OVOL2: variants seen among roughly 807,000 people sequenced by gnomAD.
The protein encoded by OVOL2 is ovo like zinc finger 2.
OVOL2 carries 13 observed loss-of-function variants against 18.1 expected under a neutral mutation model. The ratio of observed to expected loss-of-function variants is 0.72; its 90% CI spans 0.47 to 1.14. The LOEUF (loss-of-function observed/expected upper bound fraction) is 1.14, where lower values mean the gene tolerates loss of function less well. Among genes scored for constraint, OVOL2 ranks in the 50% most tolerant of loss-of-function variants. OVOL2 has a pLI of 0.00. For synonymous variants in OVOL2, 166 were observed against 162.7 expected, an observed-to-expected ratio of 1.02 and a Z score of -0.16; for missense variants, 335 against 383.0, an observed-to-expected ratio of 0.87 and a Z score of 1.05.
chr20:18,046,262 G>A (rs1296790666), intron 2 of OVOL2, among the ~76,000 whole-genome samples: 1 of 152,138 alleles, frequency 6.6e-6, no homozygotes, highest in Non-Finnish European at 1.5e-5. Context: ...CTTGAAATTT[G>A]GTTTGTAATA....
rs2036839916 is a variant in OVOL2, at chr20:18,057,411, C to T, written c.100+124G>A. On this transcript the variant is annotated intron_variant, in intron 1 of 3. Transcript: ENST00000278780. The surrounding 1 kb of genome is among the most constrained non-coding windows in gnomAD (Gnocchi z 6.3). ...CCCTAACCCGCCTAGAAGACCCCCGCGTGCCCCCCGGAAGAGGGGGATGAG... is the reference window on the plus strand; with the variant it reads ...CCCTAACCCGCCTAGAAGACCCCCGTGTGCCCCCCGGAAGAGGGGGATGAG... 3 of 1,137,506 alleles carry T rather than the reference C, an allele frequency of 2.6e-6. No homozygotes were observed. The highest frequency in any genetic ancestry group is 1.5e-5 in the South Asian group (1 of 67,674). 70.5% of individuals were successfully genotyped at this position (1,137,506 alleles called of 1,614,324 possible).
chr20:18,057,825 C>G lies in OVOL2; in HGVS notation c.-191G>C, dbSNP rs1427699553. 5 of 1,364,598 alleles carry G rather than the reference C, an allele frequency of 3.7e-6. No individual in the cohort carries two copies. Among genetic ancestry groups the G allele is most frequent in the South Asian group, 3.5e-5 (2 of 57,070 alleles). 84.5% of individuals were successfully genotyped at this position (1,364,598 alleles called of 1,614,324 possible). ...GCACGCCTGGCGACTCCCAGCCTCC[C>G]GGCTCGGCGACACCTATGCCTTAAA... is the stretch of plus-strand genomic sequence containing the variant. On this transcript the variant is annotated 5_prime_UTR_variant, in exon 1 of 4. Transcript: ENST00000278780. This position sits in a 1 kb window ranked among gnomAD's most constrained non-coding sequence, Gnocchi z 6.3.
rs867511854 is a variant in OVOL2 at position 18,041,423 on chromosome 20, T to C, written c.511+111A>G. ...CGTGATCCGCATCTTGTGATCTTTC[T>C]AGAAACACAACATTGTTCCACGGTC... On this transcript the variant is annotated intron_variant, in intron 3 of 3. Coordinates refer to ENST00000278780, the MANE Select transcript of OVOL2 (RefSeq NM_021220.4). 8.4e-6 allele frequency: 11 copies of C among 1,312,288 alleles called. No individual in the cohort carries two copies. The Admixed American group carries it at 2.2e-4, about 26-fold the overall frequency. The allele number at this position is 1,312,288 out of a possible 1,614,324, so 81.3% of individuals were successfully genotyped here.
intron 2 of OVOL2, 94 bp from the exon 3 acceptor site, chr20:18,041,817 C>A (rs1040466138): frequency 1.3e-5 from 16 of 1,206,108 alleles, no homozygotes; most frequent in Non-Finnish European, 1.7e-5. Context: ...CTTGAGGCTG[C>A]CCTGTCTGCG....
At chr20:18,039,624 A>AAAAAAAAAC (rs1403124179) in intron 3 of OVOL2, among the ~76,000 whole-genome samples, 3 of 106,358 alleles carry the variant, frequency 2.8e-5, no homozygotes, top group African/African-American at 1.2e-4. Flanking sequence ...AAAAAAAAAG[A>AAAAAAAAAC]AAGAAAGAAA....
At chr20:18,044,941 C>A (rs553746595) in intron 2 of OVOL2, among the ~76,000 whole-genome samples, 18 of 152,248 alleles carry the variant, frequency 1.2e-4, no homozygotes, top group African/African-American at 3.9e-4. Context: ...AGAACAAGAT[C>A]CCCTTAGGAG....
chr20:18,036,346 T>A (rs1245025964), intron 3 of OVOL2, among the ~76,000 whole-genome samples: 1 of 152,098 alleles, frequency 6.6e-6, no homozygotes, highest in Non-Finnish European at 1.5e-5. Context: ...TTTTTTGCAT[T>A]ACAACTTGAA....
intron 2 of OVOL2, among the ~76,000 whole-genome samples, chr20:18,052,213 C>A (rs2122724634): frequency 6.6e-6 from 1 of 152,218 alleles, no homozygotes; most frequent in East Asian, 1.9e-4. Context: ...AACAAATCAC[C>A]CATTTCTTCA....
chr20:18,050,968 C>CA (rs2036766670), intron 2 of OVOL2, among the ~76,000 whole-genome samples: 1 of 151,832 alleles, frequency 6.6e-6, no homozygotes, highest in South Asian at 2.1e-4. Context: ...TCTTGGGAGA[C>CA]AAAAAAACAA....
At position 18,056,326 on chromosome 20, in the gene OVOL2, C is replaced by A. The variant is rs959722939; in HGVS notation, c.321+331G>T. On this transcript the variant is annotated intron_variant, in intron 2 of 3. Coordinates refer to ENST00000278780, the MANE Select transcript of OVOL2 (RefSeq NM_021220.4). The surrounding 1 kb of genome is among the most constrained non-coding windows in gnomAD (Gnocchi z 4.2). ...GGCCTTGGTTATTCTACAGGCCTAG[C>A]GCACAGAACGGGCTGCTGGCGGAAG... Among the ~76,000 whole-genome samples, 2 of 152,256 alleles carry A rather than the reference C, an allele frequency of 1.3e-5. No individual in the cohort carries two copies. Among genetic ancestry groups the A allele is most frequent in the South Asian group, 2.1e-4 (1 of 4,832 alleles).
At chr20:18,054,776 AAAAAAAGAAAGAAAAG>A (rs1412613558) in intron 2 of OVOL2, among the ~76,000 whole-genome samples, 1 of 142,700 alleles carries the variant, frequency 7.0e-6, no homozygotes, top group African/African-American at 2.8e-5. Flanking sequence ...CAAAAAAAAA[AAAAAAAGAAAGAAAAG>A]AAAAGAAAAG....
chr20:18,025,054 G>T, intron 3 of OVOL2, 102 bp from the exon 4 acceptor site: 1 of 1,337,112 alleles, frequency 7.5e-7, no homozygotes, highest in Non-Finnish European at 1.0e-6. Flanking sequence ...AAGGATTCAT[G>T]GCAGCATGAG....
chr20:18,027,207 T>G (rs2036527802), intron 3 of OVOL2, among the ~76,000 whole-genome samples: 1 of 152,018 alleles, frequency 6.6e-6, no homozygotes, highest in Admixed American at 6.6e-5. Flanking sequence ...GTAGGCCATA[T>G]CAGCAAGTTT....
rs938283966 is a variant in OVOL2, at chr20:18,029,959, G to A, written c.512-5007C>T. ...CGCACCACTGCACTCCAGCCTGGGC[G>A]AGAGTGAGACCCTGTCTCAGAAAAA... On this transcript the variant is annotated intron_variant, in intron 3 of 3. Coordinates refer to ENST00000278780, the MANE Select transcript of OVOL2 (RefSeq NM_021220.4). Among the ~76,000 whole-genome samples the A allele has an allele frequency of 2.6e-5, 4 of 152,164 alleles. No homozygotes were observed. In the South Asian group the frequency reaches 6.2e-4, roughly 24 times the overall value.
chr20:18,057,670 C>T lies in OVOL2; in HGVS notation c.-36G>A, dbSNP rs747080805. The T allele has an allele frequency of 3.1e-5, 48 of 1,535,738 alleles. No individual in the cohort carries two copies. Among genetic ancestry groups the T allele is most frequent in the Admixed American group, 4.1e-5 (2 of 48,872 alleles). On this transcript the variant is annotated 5_prime_UTR_variant, in exon 1 of 4. Coordinates refer to ENST00000278780, the MANE Select transcript of OVOL2 (RefSeq NM_021220.4). The surrounding 1 kb of genome is among the most constrained non-coding windows in gnomAD (Gnocchi z 6.3). ...CCTCTCCCGACTGCGGCCCCCTCCT[C>T]CCGGCTGCTCCCCGCTAGGGGCAAC... is the stretch of plus-strand genomic sequence containing the variant.
rs562088836 is a variant in OVOL2, at chr20:18,026,576, T to C, written c.512-1624A>G. Among the ~76,000 whole-genome samples the C allele has an allele frequency of 7.2e-5, 11 of 152,212 alleles. No homozygotes were observed. The East Asian group carries it at 1.2e-3, about 16-fold the overall frequency. ...TTTTGTATCTTTAGTAGAGACGGGG[T>C]TTCACCATGTTAGCCAGAATGGTCT... On this transcript the variant is annotated intron_variant, in intron 3 of 3. Coordinates refer to ENST00000278780, the MANE Select transcript of OVOL2 (RefSeq NM_021220.4).
chr20:18,059,018 G>A (rs1462671237), upstream of OVOL2: 1 of 152,472 alleles, frequency 6.6e-6, no homozygotes, highest in Non-Finnish European at 1.5e-5. Flanking sequence ...GCCGGGTGCT[G>A]CGGGGGCGCG....
intron 2 of OVOL2, among the ~76,000 whole-genome samples, chr20:18,043,292 C>T (rs2036692386): frequency 6.6e-6 from 1 of 152,182 alleles, no homozygotes; most frequent in Non-Finnish European, 1.5e-5. Flanking sequence ...GACTGTTTTC[C>T]CTCCCCTTGA....
chr20:18,028,213 A>G (rs952803194), intron 3 of OVOL2, among the ~76,000 whole-genome samples: 1 of 151,860 alleles, frequency 6.6e-6, no homozygotes, highest in Non-Finnish European at 1.5e-5. Flanking sequence ...GTCTTGCTCT[A>G]TCACTCAGGC....
Sources: gnomAD v4.1 joint callset for allele counts (sites outside exome capture counted in the v4.1 genomes callset) on GRCh38, gnomAD v4.1.1 for gene constraint, Gnocchi (gnomAD v3.1) non-coding constraint, MANE v1.5 for transcripts, NCBI Gene and HGNC (gene_info 2026-07-23, HGNC 2026-07-21) for gene names.